Variants in GNA12 observed in about 807,000 individuals in gnomAD.
The protein encoded by GNA12 is G protein subunit alpha 12.
A neutral mutation model predicts 26.0 loss-of-function variants in GNA12; 9 were observed. That is an observed-to-expected ratio of 0.35 (90% CI 0.21 to 0.60). The LOEUF is 0.60. GNA12 is among the 20% of genes least tolerant of loss of function. GNA12 has a pLI of 0.78. For synonymous variants in GNA12, 264 were observed against 219.6 expected (o/e 1.20, Z -1.79); for missense variants, 405 against 525.8 (o/e 0.77, Z 2.25).
chr7:2,832,333 C>T (rs1029211308), intron 1 of GNA12, among the ~76,000 whole-genome samples: 11 of 152,222 alleles, frequency 7.2e-5, no homozygotes, highest in African/African-American at 2.4e-4. Flanking sequence ...CTACCATACA[C>T]ACAGCAGAGC....
At chr7:2,783,095 T>G (rs561970955) in intron 2 of GNA12, among the ~76,000 whole-genome samples, 1 of 152,218 alleles carries the variant, frequency 6.6e-6, no homozygotes, top group African/African-American at 2.4e-5. Flanking sequence ...AGGTCTGACC[T>G]GACCCCACCG....
At chr7:2,791,872 G>A (rs1168257202) in intron 2 of GNA12, among the ~76,000 whole-genome samples, 2 of 151,864 alleles carry the variant, frequency 1.3e-5, no homozygotes, top group Admixed American at 1.3e-4. Context: ...TTTTTTTGAA[G>A]AATAAAAAGA....
intron 1 of GNA12, among the ~76,000 whole-genome samples, chr7:2,837,630 C>G (rs1197143765): frequency 6.6e-6 from 1 of 152,110 alleles, no homozygotes; most frequent in Non-Finnish European, 1.5e-5. Context: ...CCAACTCAAA[C>G]GACAGTAGAT....
At chr7:2,804,083 T>C (rs962300862) in intron 1 of GNA12, among the ~76,000 whole-genome samples, 16 of 152,188 alleles carry the variant, frequency 1.1e-4, no homozygotes, top group African/African-American at 3.6e-4. Flanking sequence ...GGGAACGAAA[T>C]CGTCCTCTTA....
chr7:2,818,129 G>C (rs902207043), intron 1 of GNA12, among the ~76,000 whole-genome samples: 2 of 152,208 alleles, frequency 1.3e-5, no homozygotes. Flanking sequence ...GGGTTTTGTA[G>C]GTTCTGGGGG....
intron 2 of GNA12, among the ~76,000 whole-genome samples, chr7:2,774,277 G>A (rs937880036): frequency 1.3e-5 from 2 of 152,054 alleles, no homozygotes. Flanking sequence ...GCATATATAT[G>A]TGTGTATATA....
At chr7:2,764,139 T>C (rs999844404) in intron 2 of GNA12, among the ~76,000 whole-genome samples, 13 of 152,072 alleles carry the variant, frequency 8.5e-5, no homozygotes, top group Non-Finnish European at 2.9e-5. Context: ...GGTGCAATCA[T>C]GGCTCACTGC....
At chr7:2,783,220 A>G (rs1792273286) in intron 2 of GNA12, among the ~76,000 whole-genome samples, 1 of 152,160 alleles carries the variant, frequency 6.6e-6, no homozygotes, top group African/African-American at 2.4e-5. Flanking sequence ...GTTTAGGGTT[A>G]AAGTGTCTTT....
At chr7:2,790,898 C>A (rs1338379664) in intron 2 of GNA12, among the ~76,000 whole-genome samples, 2 of 151,594 alleles carry the variant, frequency 1.3e-5, no homozygotes, top group African/African-American at 4.9e-5. Context: ...TGCCTGAGCC[C>A]AGGAGATCCA....
intron 2 of GNA12, chr7:2,760,596 C>G (rs1791509706): frequency 6.6e-6 from 1 of 152,552 alleles, no homozygotes; most frequent in African/African-American, 2.4e-5. Flanking sequence ...AGCACTGCAC[C>G]AGAGCCTGTG....
At chr7:2,805,996 G>A (rs1259671366) in intron 1 of GNA12, among the ~76,000 whole-genome samples, 1 of 152,194 alleles carries the variant, frequency 6.6e-6, no homozygotes, top group Non-Finnish European at 1.5e-5. Flanking sequence ...TGTTTATACT[G>A]ATTACATGTT....
In GNA12 at chr7:2,795,041, C is replaced by A; in HGVS notation, c.412G>T (p.Ala138Ser). The change falls in exon 2 of 4, where the codon GCG becomes TCG. Residue 138 changes from alanine (A) to serine (S), a missense_variant. Transcript: ENST00000275364. ...GTGGCCGGCTCCACAGGCAGCCCCG[C>A]CTTGTTCTCGAAGGCCATCAGGAAC... ...GMFLMAFENKAGLPVEPATFQ... is the reference protein window; with the variant it reads ...GMFLMAFENKSGLPVEPATFQ... 1 of 1,614,096 alleles carries A rather than the reference C, an allele frequency of 6.2e-7. No individual in the cohort carries two copies. Among genetic ancestry groups the A allele is most frequent in the Non-Finnish European group, 8.5e-7 (1 of 1,179,954 alleles).
intron 2 of GNA12, among the ~76,000 whole-genome samples, chr7:2,754,582 T>TAA (rs34822125): frequency 7.0e-6 from 1 of 143,516 alleles, no homozygotes; most frequent in Non-Finnish European, 1.5e-5. Context: ...ATCTCTACTT[T>TAA]AAAAAAAAAA....
rs374500821 is a variant in GNA12, at chr7:2,787,582, G to A, written c.525+7346C>T. On this transcript the variant is annotated intron_variant, in intron 2 of 3. Transcript: ENST00000275364. ...CCATCTTCTGAGCTTTCCGGGAAACGCCACTCTGGGAAGCTACGTTGGTGA... is the reference window on the plus strand; with the variant it reads ...CCATCTTCTGAGCTTTCCGGGAAACACCACTCTGGGAAGCTACGTTGGTGA... Among the ~76,000 whole-genome samples the A allele has an allele frequency of 2.0e-5, 3 of 152,208 alleles. No homozygotes were observed. In the South Asian group the frequency reaches 6.2e-4, roughly 32 times the overall value.
intron 1 of GNA12, among the ~76,000 whole-genome samples, chr7:2,818,249 T>G (rs1049133063): frequency 6.6e-6 from 1 of 152,148 alleles, no homozygotes; most frequent in African/African-American, 2.4e-5. Flanking sequence ...TACTGACATC[T>G]GGGGGCTGGG....
chr7:2,755,004 G>A (rs1009490674), intron 2 of GNA12, among the ~76,000 whole-genome samples: 3 of 152,174 alleles, frequency 2.0e-5, no homozygotes, highest in Non-Finnish European at 4.4e-5. Flanking sequence ...CTTCCCTACA[G>A]AGACAGTCCA....
At chr7:2,812,769 G>A (rs1793116894) in intron 1 of GNA12, among the ~76,000 whole-genome samples, 1 of 151,004 alleles carries the variant, frequency 6.6e-6, no homozygotes, top group Admixed American at 6.7e-5. Context: ...TGAAGGCACA[G>A]ACGTTACATT....
At chr7:2,830,500 C>T (rs990909252) in intron 1 of GNA12, among the ~76,000 whole-genome samples, 1 of 152,136 alleles carries the variant, frequency 6.6e-6, no homozygotes, top group East Asian at 1.9e-4. Flanking sequence ...GTGGGGAGGG[C>T]GGCTCCCAAA....
At chr7:2,824,151 G>A (rs1793427916) in intron 1 of GNA12, among the ~76,000 whole-genome samples, 1 of 152,158 alleles carries the variant, frequency 6.6e-6, no homozygotes, top group South Asian at 2.1e-4. Flanking sequence ...CTAACACGCT[G>A]GTCCCACAGA....
Sources: allele counts gnomAD v4.1 joint callset (sites outside exome capture counted in the v4.1 genomes callset), GRCh38; gene constraint gnomAD v4.1.1; transcripts MANE v1.5; gene names NCBI Gene and HGNC (gene_info 2026-07-23, HGNC 2026-07-21).